The following MAN1B1 variants were observed in gnomAD, a reference collection of about 807,000 sequenced individuals.
MAN1B1 encodes mannosidase alpha class 1B member 1.
In MAN1B1, 66 loss-of-function variants were observed where a neutral mutation model predicts 75.5. The observed-to-expected ratio is 0.87, with a 90% CI of 0.72 to 1.07. MAN1B1 has a LOEUF of 1.07. MAN1B1 is among the 50% of genes least tolerant of loss of function. MAN1B1 has a pLI of 0.00. For synonymous variants in MAN1B1, 453 were observed against 382.8 expected (o/e 1.18, Z -2.14); for missense variants, 973 against 912.5 (o/e 1.07, Z -0.85).
At position 137,094,103 on chromosome 9, in the gene MAN1B1, G is replaced by A. The variant is rs138702618; in HGVS notation, c.466-2134G>A. Among the ~76,000 whole-genome samples, 1,341 of 150,068 alleles carry A rather than the reference G, an allele frequency of 8.9e-3. 12 individuals are homozygous for A. Among genetic ancestry groups the A allele is most frequent in the African/African-American group, 0.023 (949 of 40,810 alleles). The stretch of plus-strand genomic sequence containing the variant: ...AATCTCCACTCACTGCAACCTCCAC[G>A]TCTCGGGTTCAAGTGATTCTCCTGC... On this transcript the variant is annotated intron_variant, in intron 3 of 12. Transcript: ENST00000371589.
rs1831152496 is a variant in MAN1B1, at chr9:137,107,390, CGA to C, written c.1710_1711del (p.Glu570AspfsTer83). On this transcript the variant is annotated frameshift_variant, in exon 11 of 13. Coordinates refer to ENST00000371589, the MANE Select transcript of MAN1B1 (RefSeq NM_016219.5). LOFTEE classifies it high-confidence loss of function. ...NRQMETGLSP[E>X]IVHFNLYPQP... Reference sequence around the variant, plus strand: ...GGCAGATGGAGACGGGGCTGAGTCCCGAGATCGTGCACTTCAACCTTTACCCC... The same window carrying C: ...GGCAGATGGAGACGGGGCTGAGTCCCGATCGTGCACTTCAACCTTTACCCC... 6.2e-7 allele frequency: 1 copy of C among 1,613,346 alleles called. No homozygotes were observed. Among genetic ancestry groups the C allele is most frequent in the Admixed American group, 1.7e-5 (1 of 60,010 alleles).
Position 137,107,321 on chromosome 9 carries a change from G to A in MAN1B1, c.1638G>A (p.Met546Ile), listed in dbSNP as rs781137302. Residue 546 changes from methionine (M) to isoleucine (I), a missense_variant, in exon 11 of 13, where the codon ATG (methionine) becomes ATA (isoleucine). Physicochemically the swap from Met to Ile is conservative, Grantham distance 10 (BLOSUM62 1). Transcript: ENST00000371589. The stretch of plus-strand genomic sequence containing the variant: ...ACCACGGCCTGCCCGCCAGCCACAT[G>A]GAGCTGGCCCAGGAGCTCATGGAGA... The part of the protein sequence containing the change: ...GVYHGLPASH[M>I]ELAQELMETC... 7 of 1,613,262 alleles carry A rather than the reference G, an allele frequency of 4.3e-6. No homozygotes were observed. Among genetic ancestry groups the A allele is most frequent in the Non-Finnish European group, 5.9e-6 (7 of 1,179,998 alleles).
Position 137,099,694 on chromosome 9 carries a change from A to G in MAN1B1, c.731-2A>G. The G allele has an allele frequency of 6.2e-7, 1 of 1,614,104 alleles. No homozygotes were observed. The highest frequency in any genetic ancestry group is 8.5e-7 in the Non-Finnish European group (1 of 1,179,996). On this transcript the variant is annotated splice_acceptor_variant, in intron 5 of 12. Coordinates refer to ENST00000371589, the MANE Select transcript of MAN1B1 (RefSeq NM_016219.5). LOFTEE classifies it high-confidence loss of function. ...TGGCCTGTGCTCTCTCCCCCCTACT[A>G]GTGCATCTGAACTATCGCCAGAAGG...
intron 8 of MAN1B1, 94 bp downstream of exon 8, chr9:137,101,766 T>G: frequency 7.1e-7 from 1 of 1,405,124 alleles, no homozygotes; most frequent in East Asian, 2.5e-5. Flanking sequence ...TATGTGCATG[T>G]GTGTTTTCAG....
chr9:137,097,490 C>T (rs1336853522), intron 4 of MAN1B1, among the ~76,000 whole-genome samples: 1 of 152,176 alleles, frequency 6.6e-6, no homozygotes, highest in Non-Finnish European at 1.5e-5. Context: ...ACCTCACTGT[C>T]ACTAGTGCTC....
At chr9:137,106,461 GC>G in intron 9 of MAN1B1, 146 bp downstream of exon 9, 3 of 996,348 alleles carry the variant, frequency 3.0e-6, no homozygotes, top group Non-Finnish European at 4.4e-6. Flanking sequence ...GCCAGGCCTG[GC>G]CCAGGCATTT....
At chr9:137,103,270 C>T (rs953121816) in intron 8 of MAN1B1, 17 of 427,266 alleles carry the variant, frequency 4.0e-5, no homozygotes, top group Non-Finnish European at 7.8e-5. Context: ...TACACACATG[C>T]TGTTGCAGGC....
chr9:137,108,713 C>T lies in MAN1B1; in HGVS notation c.*122C>T, dbSNP rs1162331379. ...AAGTGGCCCAGGCTCTGAACTGGCT[C>T]TGGGCTCCTCCTCGTCTCTGCTTTA... On this transcript the variant is annotated 3_prime_UTR_variant, in exon 13 of 13. Coordinates refer to ENST00000371589, the MANE Select transcript of MAN1B1 (RefSeq NM_016219.5). 1.1e-6 allele frequency: 1 copy of T among 892,388 alleles called. No individual in the cohort carries two copies. Among genetic ancestry groups the T allele is most frequent in the Admixed American group, 1.8e-5 (1 of 55,110 alleles). 55.3% of individuals were successfully genotyped at this position (892,388 alleles called of 1,614,324 possible). A position where few individuals can be genotyped will look rare whatever the true frequency, so the allele number is the denominator to read the frequency against.
intron 8 of MAN1B1, chr9:137,102,689 G>T: frequency 2.2e-6 from 1 of 449,680 alleles, no homozygotes; most frequent in Non-Finnish European, 4.4e-6. Context: ...CACTGTTGCA[G>T]ACATGCAGGT....
intron 1 of MAN1B1, chr9:137,087,677 T>G (rs553536971): frequency 7.4e-6 from 3 of 404,000 alleles, no homozygotes; most frequent in South Asian, 2.1e-5. Context: ...GGGCGGTGCC[T>G]GGGCTACATC....
intron 2 of MAN1B1, chr9:137,088,453 A>C: frequency 6.5e-7 from 1 of 1,529,630 alleles, no homozygotes; most frequent in Non-Finnish European, 8.8e-7. Context: ...GGTGGGCTTG[A>C]ACACTCAGCC....
Position 137,087,600 on chromosome 9 carries a change from C to T in MAN1B1, c.219+382C>T, listed in dbSNP as rs1238252405. The T allele has an allele frequency of 1.3e-5, 6 of 469,698 alleles. No individual in the cohort carries two copies. In the East Asian group the frequency reaches 2.1e-4, roughly 16 times the overall value. 29.1% of individuals were successfully genotyped at this position (469,698 alleles called of 1,614,324 possible). Reference sequence around the variant, plus strand: ...AGAAATGAGCCCCTCTTGATTGGCTCCTGGTCTGTTCGTGGTGGTCTCAGG... The same window carrying T: ...AGAAATGAGCCCCTCTTGATTGGCTTCTGGTCTGTTCGTGGTGGTCTCAGG... On this transcript the variant is annotated intron_variant, in intron 1 of 12. Coordinates refer to ENST00000371589, the MANE Select transcript of MAN1B1 (RefSeq NM_016219.5).
At chr9:137,090,813 A>G (rs1830495242) in intron 3 of MAN1B1, among the ~76,000 whole-genome samples, 1 of 152,180 alleles carries the variant, frequency 6.6e-6, no homozygotes, top group Non-Finnish European at 1.5e-5. Context: ...CTGGGATTAC[A>G]GACATGAGCC....
intron 3 of MAN1B1, 34 bp from the exon 4 acceptor site, chr9:137,096,203 C>G: frequency 6.2e-7 from 1 of 1,613,706 alleles, no homozygotes; most frequent in Non-Finnish European, 8.5e-7. Flanking sequence ...TCGCAGACAC[C>G]CCGTGATTTC....
At chr9:137,103,163 G>T in intron 8 of MAN1B1, 2 of 442,330 alleles carry the variant, frequency 4.5e-6, no homozygotes, top group Admixed American at 2.5e-5. Context: ...ACTGTTGCAG[G>T]CGTGCAGGTC....
chr9:137,106,524 G>C, intron 9 of MAN1B1, 165 bp from the exon 10 acceptor site: 2 of 1,178,490 alleles, frequency 1.7e-6, no homozygotes, highest in East Asian at 4.8e-5. Context: ...GGGGGGTGAG[G>C]GGGGCATCTT....
At chr9:137,092,702 C>T (rs984012511) in intron 3 of MAN1B1, among the ~76,000 whole-genome samples, 24 of 152,210 alleles carry the variant, frequency 1.6e-4, no homozygotes, top group African/African-American at 5.5e-4. Context: ...GCTTCCCCTG[C>T]TACGGTGCTG....
At chr9:137,089,364 G>C in intron 3 of MAN1B1, 1 of 355,896 alleles carries the variant, frequency 2.8e-6, no homozygotes, top group Non-Finnish European at 5.4e-6. Context: ...AGAGCAGGGC[G>C]CTGGTGAAGA....
At position 137,096,261 on chromosome 9, in the gene MAN1B1, G is replaced by A. The variant is rs752668187; in HGVS notation, c.490G>A (p.Gly164Arg). ...SQKTQRHIQR[G>R]PPHLQIRPPS... is the part of the protein sequence containing the mutation. ...GAAGACACAAAGACACATCCAGCGG[G>A]GACCACCTCACCTGCAGATTAGACC... Residue 164 changes from glycine (G) to arginine (R), a missense_variant, in exon 4 of 13, where the codon GGA becomes AGA. Physicochemically the swap from Gly to Arg is moderately radical, Grantham distance 125. Transcript: ENST00000371589. 8.7e-6 allele frequency: 14 copies of A among 1,614,098 alleles called. No homozygotes were observed. The South Asian group carries it at 1.5e-4, about 18-fold the overall frequency.
Sources: allele counts gnomAD v4.1 joint callset (sites outside exome capture counted in the v4.1 genomes callset), GRCh38; gene constraint gnomAD v4.1.1; transcripts MANE v1.5; gene names NCBI Gene and HGNC (gene_info 2026-07-23, HGNC 2026-07-21).